The following ZFYVE9 variants were observed in gnomAD, a reference collection of about 807,000 sequenced individuals.
The protein encoded by ZFYVE9 is zinc finger FYVE-type containing 9.
A neutral mutation model predicts 126.7 loss-of-function variants in ZFYVE9; 43 were observed. The observed-to-expected ratio is 0.34, with a 90% CI of 0.27 to 0.44. The LOEUF is 0.44. Ranked by LOEUF, ZFYVE9 falls within the 20% of genes least tolerant of loss-of-function variation. The pLI, the probability that ZFYVE9 is intolerant of heterozygous loss-of-function variation, is 1.00. For synonymous variants in ZFYVE9, 521 were observed against 597.4 expected, an observed-to-expected ratio of 0.87 and a Z score of 1.87; for missense variants, 1,476 against 1,697.0, an observed-to-expected ratio of 0.87 and a Z score of 2.29.
intron 1 of ZFYVE9, among the ~76,000 whole-genome samples, chr1:52,152,845 G>A (rs1415669544): frequency 3.3e-5 from 5 of 152,240 alleles, no homozygotes. Context: ...GGTCCGCTGG[G>A]AAGCAGACGT....
At chr1:52,304,938 C>A (rs988382223) in intron 13 of ZFYVE9, among the ~76,000 whole-genome samples, 6 of 152,006 alleles carry the variant, frequency 3.9e-5, no homozygotes, top group African/African-American at 1.2e-4. Context: ...AGAGTCAAAT[C>A]TTTAAAGTGA....
chr1:52,188,585 G>A (rs906166052), intron 1 of ZFYVE9, among the ~76,000 whole-genome samples: 2 of 152,010 alleles, frequency 1.3e-5, no homozygotes, highest in Non-Finnish European at 2.9e-5. Context: ...TAATAGTTTT[G>A]TAATTTTGTA....
intron 17 of ZFYVE9, among the ~76,000 whole-genome samples, chr1:52,341,187 G>T (rs991856469): frequency 6.6e-6 from 1 of 152,148 alleles, no homozygotes; most frequent in Non-Finnish European, 1.5e-5. Flanking sequence ...GCCATTGCAC[G>T]CCAGCCTGGG....
intron 17 of ZFYVE9, among the ~76,000 whole-genome samples, chr1:52,342,779 G>T (rs563198164): frequency 5.3e-5 from 8 of 152,044 alleles, no homozygotes; most frequent in African/African-American, 1.7e-4. Flanking sequence ...TGATCTGCCC[G>T]CCTCGGCCTC....
At chr1:52,264,282 A>G (rs756505820) in intron 5 of ZFYVE9, among the ~76,000 whole-genome samples, 2 of 152,230 alleles carry the variant, frequency 1.3e-5, no homozygotes, top group Non-Finnish European at 2.9e-5. Flanking sequence ...ATAACTTAGC[A>G]TGTGTTCTTA....
chr1:52,177,148 A>ATTT (rs35941523), intron 1 of ZFYVE9, among the ~76,000 whole-genome samples: 2 of 131,472 alleles, frequency 1.5e-5, no homozygotes, highest in Non-Finnish European at 1.6e-5. Context: ...CCCCAGCCCG[A>ATTT]TTTTTTTTTT....
chr1:52,164,020 C>T (rs1300515809), intron 1 of ZFYVE9, among the ~76,000 whole-genome samples: 1 of 151,978 alleles, frequency 6.6e-6, no homozygotes, highest in Non-Finnish European at 1.5e-5. Flanking sequence ...GGCTCAATCA[C>T]TGCTCACTGC....
At chr1:52,291,672 G>A (rs1240863416) in intron 10 of ZFYVE9, among the ~76,000 whole-genome samples, 31 of 151,128 alleles carry the variant, frequency 2.1e-4, no homozygotes, top group Admixed American at 2.0e-3. Context: ...GAGGTCAGGA[G>A]TTCGAGACCA....
At chr1:52,196,648 G>A (rs1293520785) in intron 1 of ZFYVE9, among the ~76,000 whole-genome samples, 2 of 152,016 alleles carry the variant, frequency 1.3e-5, no homozygotes, top group African/African-American at 2.4e-5. Context: ...GAAAAAATTG[G>A]TAAATTGGAG....
intron 1 of ZFYVE9, among the ~76,000 whole-genome samples, chr1:52,176,707 T>G (rs1437588315): frequency 6.6e-6 from 1 of 152,054 alleles, no homozygotes; most frequent in Admixed American, 6.6e-5. Context: ...TGGGCGCCCC[T>G]CCCCCAGCCT....
At chr1:52,195,320 A>T (rs920995554) in intron 1 of ZFYVE9, among the ~76,000 whole-genome samples, 1 of 152,220 alleles carries the variant, frequency 6.6e-6, no homozygotes, top group Non-Finnish European at 1.5e-5. Flanking sequence ...AGAATCTGAG[A>T]CGTGAAACCA....
chr1:52,304,245 A>C (rs1050229463), intron 13 of ZFYVE9, among the ~76,000 whole-genome samples: 3 of 151,962 alleles, frequency 2.0e-5, no homozygotes, highest in Admixed American at 6.6e-5. Context: ...CCCCACTCCT[A>C]CTATAAATAT....
intron 10 of ZFYVE9, among the ~76,000 whole-genome samples, chr1:52,286,172 C>A (rs4926569): frequency 6.7e-6 from 1 of 149,146 alleles, no homozygotes; most frequent in Admixed American, 6.8e-5. Context: ...AAAAAAAAAA[C>A]GTATCGCAAT....
chr1:52,175,399 T>G (rs1239083346), intron 1 of ZFYVE9, among the ~76,000 whole-genome samples: 3 of 151,998 alleles, frequency 2.0e-5, no homozygotes, highest in Non-Finnish European at 2.9e-5. Context: ...GGCTTCCCTT[T>G]GTGGGTAACC....
intron 1 of ZFYVE9, among the ~76,000 whole-genome samples, chr1:52,199,025 G>C (rs765838034): frequency 1.3e-5 from 2 of 151,412 alleles, no homozygotes; most frequent in Non-Finnish European, 2.9e-5. Context: ...AAATCTTTTT[G>C]CTCTGCCGAT....
At chr1:52,213,796 G>A (rs1218030925) in intron 1 of ZFYVE9, among the ~76,000 whole-genome samples, 1 of 152,086 alleles carries the variant, frequency 6.6e-6, no homozygotes, top group Non-Finnish European at 1.5e-5. Flanking sequence ...AAGAGTGAAG[G>A]TCTTCAAACT....
chr1:52,153,931 A>G (rs1644378719), intron 1 of ZFYVE9, among the ~76,000 whole-genome samples: 1 of 152,220 alleles, frequency 6.6e-6, no homozygotes, highest in African/African-American at 2.4e-5. Context: ...CAGTGCATGT[A>G]CTGCATACAA....
intron 4 of ZFYVE9, among the ~76,000 whole-genome samples, chr1:52,247,392 T>C (rs1428124575): frequency 3.9e-5 from 6 of 152,232 alleles, no homozygotes; most frequent in South Asian, 2.1e-4. Flanking sequence ...TTGTAAAATA[T>C]GCATAACATA....
At chr1:52,274,668 T>C in intron 8 of ZFYVE9, 84 bp downstream of exon 8, 3 of 1,408,302 alleles carry the variant, frequency 2.1e-6, no homozygotes, top group Non-Finnish European at 2.8e-6. Context: ...AGAATTTGAG[T>C]GACATTCACC....
Sources: allele counts gnomAD v4.1 joint callset (sites outside exome capture counted in the v4.1 genomes callset), GRCh38; gene constraint gnomAD v4.1.1; transcripts MANE v1.5; gene names NCBI Gene and HGNC (gene_info 2026-07-23, HGNC 2026-07-21).